SLC4A10: variants seen among roughly 807,000 people sequenced by gnomAD.
SLC4A10 encodes the protein solute carrier family 4 member 10.
Under a neutral mutation model 137.7 loss-of-function variants are expected in SLC4A10, and 42 were observed. The observed-to-expected ratio is 0.30, with a 90% confidence interval of 0.24 to 0.39. The LOEUF (loss-of-function observed/expected upper bound fraction) is 0.39, where lower values mean the gene tolerates loss of function less well. Ranked by LOEUF, SLC4A10 falls within the 10% of genes least tolerant of loss-of-function variation. SLC4A10 has a pLI of 1.00. For missense variants in SLC4A10, 925 were observed against 1,355.0 expected, an observed-to-expected ratio of 0.68 and a Z score of 4.98; for synonymous variants, 474 against 464.1, an observed-to-expected ratio of 1.02 and a Z score of -0.27.
At chr2:161,817,973 G>A (rs13416331) in intron 3 of SLC4A10, among the ~76,000 whole-genome samples, 2,215 of 144,098 alleles carry the variant, frequency 0.015, 56 homozygotes, top group African/African-American at 0.053. Flanking sequence ...GTTCTTTTTT[G>A]GTTCCATATG....
intron 1 of SLC4A10, among the ~76,000 whole-genome samples, chr2:161,755,653 C>T (rs1216422325): frequency 6.6e-6 from 1 of 152,128 alleles, no homozygotes; most frequent in Non-Finnish European, 1.5e-5. Context: ...AGAGATTTTA[C>T]ATTTGTTTTT....
intron 1 of SLC4A10, among the ~76,000 whole-genome samples, chr2:161,647,515 T>C (rs965271446): frequency 6.6e-6 from 1 of 152,172 alleles, no homozygotes; most frequent in South Asian, 2.1e-4. Context: ...TATTAAAGTA[T>C]TATAGATATA....
At position 161,970,569 on chromosome 2, in the gene SLC4A10, T is replaced by C. The variant is rs1262523445; in HGVS notation, c.3160-3680T>C. 5.3e-5 allele frequency among the ~76,000 whole-genome samples: 8 copies of C among 152,336 alleles called. No individual in the cohort carries two copies. The South Asian group carries it at 1.7e-3, about 32-fold the overall frequency. ...CTTAAGACGTGAATTCTAAAATTGC[T>C]GAATATTTTCCCTCTCTAACACTCT... On this transcript the variant is annotated intron_variant, in intron 23 of 26. Coordinates refer to ENST00000446997, the MANE Select transcript of SLC4A10 (RefSeq NM_001178015.2).
At chr2:161,632,455 G>A (rs2033730532) in intron 1 of SLC4A10, among the ~76,000 whole-genome samples, 1 of 151,504 alleles carries the variant, frequency 6.6e-6, no homozygotes, top group Non-Finnish European at 1.5e-5. Flanking sequence ...CCAACACAGA[G>A]ACAGCAGCAA....
intron 5 of SLC4A10, among the ~76,000 whole-genome samples, chr2:161,857,817 T>G (rs907047510): frequency 6.6e-6 from 1 of 152,230 alleles, no homozygotes; most frequent in South Asian, 2.1e-4. Context: ...CATAAACAGA[T>G]AAATAGAAAG....
At chr2:161,781,472 T>A (rs1271014435) in intron 2 of SLC4A10, among the ~76,000 whole-genome samples, 1 of 152,066 alleles carries the variant, frequency 6.6e-6, no homozygotes, top group African/African-American at 2.4e-5. Flanking sequence ...GAATGTTTCA[T>A]AAGATATCTA....
chr2:161,696,709 T>C (rs560103042), intron 1 of SLC4A10, among the ~76,000 whole-genome samples: 28 of 152,296 alleles, frequency 1.8e-4, no homozygotes, highest in African/African-American at 6.3e-4. Context: ...CTATCATTGA[T>C]GGACATTTGG....
At chr2:161,926,016 A>C (rs1689003722) in intron 15 of SLC4A10, among the ~76,000 whole-genome samples, 2 of 152,004 alleles carry the variant, frequency 1.3e-5, no homozygotes, top group Admixed American at 6.6e-5. Flanking sequence ...TGCTGAAAAA[A>C]ATGTATATTC....
At chr2:161,760,153 G>A (rs886982040) in intron 1 of SLC4A10, among the ~76,000 whole-genome samples, 2 of 151,792 alleles carry the variant, frequency 1.3e-5, no homozygotes, top group African/African-American at 4.8e-5. Context: ...TTTTAAAATA[G>A]CACTCCTTCA....
chr2:161,842,229 G>A (rs1422910250), intron 4 of SLC4A10, among the ~76,000 whole-genome samples: 1 of 152,132 alleles, frequency 6.6e-6, no homozygotes, highest in East Asian at 1.9e-4. Flanking sequence ...AAAGAGAGCA[G>A]ACATTTTTTC....
intron 3 of SLC4A10, among the ~76,000 whole-genome samples, chr2:161,834,672 C>CAA (rs751526215): frequency 7.7e-6 from 1 of 129,802 alleles, no homozygotes; most frequent in Non-Finnish European, 1.8e-5. Context: ...CACACACACA[C>CAA]ACACACACAC....
intron 23 of SLC4A10, among the ~76,000 whole-genome samples, chr2:161,969,742 C>A (rs550842965): frequency 1.2e-4 from 19 of 152,174 alleles, no homozygotes; most frequent in African/African-American, 4.6e-4. Context: ...ACCCTGTGAT[C>A]CCAATGCAGG....
At chr2:161,719,704 T>C (rs545975480) in intron 1 of SLC4A10, among the ~76,000 whole-genome samples, 1 of 152,366 alleles carries the variant, frequency 6.6e-6, no homozygotes, top group East Asian at 1.9e-4. Context: ...TGTCTTCTTT[T>C]GAGAAATGTC....
chr2:161,749,114 G>A (rs989973444), intron 1 of SLC4A10, among the ~76,000 whole-genome samples: 1 of 151,920 alleles, frequency 6.6e-6, no homozygotes, highest in African/African-American at 2.4e-5. Context: ...ACTGATTTTT[G>A]TGTGTTGATT....
At chr2:161,749,919 C>T (rs2048785512) in intron 1 of SLC4A10, among the ~76,000 whole-genome samples, 1 of 151,604 alleles carries the variant, frequency 6.6e-6, no homozygotes, top group South Asian at 2.1e-4. Context: ...TTGATTACTA[C>T]TTTATTATCT....
chr2:161,932,837 G>A (rs1378056568), intron 15 of SLC4A10, among the ~76,000 whole-genome samples: 1 of 152,044 alleles, frequency 6.6e-6, no homozygotes, highest in Non-Finnish European at 1.5e-5. Context: ...GAGAGTTGGA[G>A]CTACAGTTGC....
intron 1 of SLC4A10, among the ~76,000 whole-genome samples, chr2:161,656,036 A>C (rs1166363572): frequency 6.6e-6 from 1 of 151,690 alleles, no homozygotes; most frequent in East Asian, 1.9e-4. Context: ...CTGGTCTCAA[A>C]CTCCTGACCT....
rs1700553465 is a variant in SLC4A10 at position 161,984,070 on chromosome 2, G to A, written c.*918G>A. On this transcript the variant is annotated 3_prime_UTR_variant, in exon 27 of 27. Transcript: ENST00000446997. ...GTGGAATGCCACATGGTGAATCATT[G>A]TATATGAAATTCCACTCCTGTACAG... is the stretch of plus-strand genomic sequence containing the variant. The A allele has an allele frequency of 6.6e-6, 1 of 152,120 alleles. No homozygotes were observed. Among genetic ancestry groups the A allele is most frequent in the South Asian group, 2.1e-4 (1 of 4,830 alleles). 9.4% of individuals were successfully genotyped at this position (152,120 alleles called of 1,614,324 possible).
chr2:161,628,435 A>C (rs926056242), intron 1 of SLC4A10, among the ~76,000 whole-genome samples: 1 of 152,070 alleles, frequency 6.6e-6, no homozygotes, highest in African/African-American at 2.4e-5. Context: ...CTTTTAGAAA[A>C]TGCTAATTCC....
Sources: allele counts gnomAD v4.1 joint callset (sites outside exome capture counted in the v4.1 genomes callset), GRCh38; gene constraint gnomAD v4.1.1; transcripts MANE v1.5; gene names NCBI Gene and HGNC (gene_info 2026-07-23, HGNC 2026-07-21).